MICAL3: variants seen among roughly 807,000 people sequenced by gnomAD.
MICAL3 encodes the protein microtubule associated monooxygenase, calponin and LIM domain containing 3, also known as [F-actin]-monooxygenase MICAL3.
Under a neutral mutation model 207.4 loss-of-function variants are expected in MICAL3, and 62 were observed. The ratio of observed to expected loss-of-function variants is 0.30; its 90% CI spans 0.24 to 0.37. The LOEUF (loss-of-function observed/expected upper bound fraction) is 0.37. Among genes scored for constraint, MICAL3 ranks in the 10% least tolerant of loss-of-function variants. The pLI is 1.00. For missense variants in MICAL3, 2,368 were observed against 2,635.6 expected (o/e 0.90, Z 2.22); for synonymous variants, 1,077 against 1,069.3 (o/e 1.01, Z -0.14).
intron 16 of MICAL3, among the ~76,000 whole-genome samples, chr22:17,879,587 C>T (rs1425183468): frequency 6.6e-6 from 1 of 152,218 alleles, no homozygotes; most frequent in Admixed American, 6.5e-5. Flanking sequence ...GGCCGACTTT[C>T]TGCACAGCCA....
At chr22:17,945,607 C>CA (rs1300974256) in intron 1 of MICAL3, among the ~76,000 whole-genome samples, 1 of 152,190 alleles carries the variant, frequency 6.6e-6, no homozygotes, top group Non-Finnish European at 1.5e-5. Context: ...CAAGGGGTAA[C>CA]ACGCGCCCTA....
In MICAL3 at chr22:17,818,749, G is replaced by T; in HGVS notation, c.3912C>A (p.Thr1304=). 1 of 1,603,284 alleles carries T rather than the reference G, an allele frequency of 6.2e-7. No individual in the cohort carries two copies. Among genetic ancestry groups the T allele is most frequent in the Non-Finnish European group, 8.5e-7 (1 of 1,172,420 alleles). The change falls in exon 26 of 32, where the codon ACC becomes ACA. Residue 1304 remains threonine (T), a synonymous_variant. Coordinates refer to ENST00000441493, the MANE Select transcript of MICAL3 (RefSeq NM_015241.3). ...CAAGGGGGCTGCCCAGTCTGTCCTT[G>T]GTGTCACTTTGGCTTTGGACAGGGA... ...APLPVQSQSD[T]KDRLGSPLAV... is the part of the protein sequence containing the mutation.
intron 8 of MICAL3, 21 bp from the exon 9 acceptor site, chr22:17,896,382 A>C: frequency 7.4e-7 from 1 of 1,348,002 alleles, no homozygotes. Flanking sequence ...GACATAAAAC[A>C]AATAATTAAA....
chr22:18,003,538 C>T (rs1385384307), intron 1 of MICAL3, among the ~76,000 whole-genome samples: 1 of 152,234 alleles, frequency 6.6e-6, no homozygotes, highest in Non-Finnish European at 1.5e-5. Flanking sequence ...CATTCAACCA[C>T]ACATGGCCAA....
chr22:17,967,004 T>C (rs1935172017), intron 1 of MICAL3, among the ~76,000 whole-genome samples: 1 of 152,174 alleles, frequency 6.6e-6, no homozygotes, highest in Non-Finnish European at 1.5e-5. Flanking sequence ...AATCTGTAAG[T>C]ACTTCCTGGG....
intron 1 of MICAL3, among the ~76,000 whole-genome samples, chr22:18,024,056 T>C (rs1354666097): frequency 2.0e-5 from 3 of 152,108 alleles, no homozygotes; most frequent in African/African-American, 7.2e-5. Context: ...CTGGTGGGTG[T>C]CGTGCGATGA....
chr22:17,843,095 T>C lies in MICAL3; in HGVS notation c.2606-1078A>G, dbSNP rs546946232. The stretch of plus-strand genomic sequence containing the variant: ...GAGATTGCGCCACTGCACTCCAGCC[T>C]GGGTGACAAAGCGAGACTTCATCTC... On this transcript the variant is annotated intron_variant, in intron 19 of 31. Transcript: ENST00000441493. Among the ~76,000 whole-genome samples the C allele has an allele frequency of 2.6e-4, 32 of 123,206 alleles. No homozygotes were observed. In the East Asian group the frequency reaches 7.4e-3, roughly 29 times the overall value. The allele number at this position is 123,206 out of a possible 152,430, so 80.8% of individuals were successfully genotyped here. A position where few individuals can be genotyped will look rare whatever the true frequency, so the allele number is the denominator to read the frequency against.
intron 1 of MICAL3, among the ~76,000 whole-genome samples, chr22:17,968,244 C>T (rs1333147343): frequency 6.6e-6 from 1 of 152,056 alleles, no homozygotes; most frequent in Non-Finnish European, 1.5e-5. Context: ...AATCAGATAG[C>T]GTGCCCAGTG....
At chr22:17,936,507 T>C (rs980730307) in intron 1 of MICAL3, among the ~76,000 whole-genome samples, 47 of 151,144 alleles carry the variant, frequency 3.1e-4, no homozygotes, top group African/African-American at 1.1e-3. Context: ...CAAACCAACA[T>C]GGCACGTGTA....
chr22:17,931,420 C>T (rs1010176799), intron 1 of MICAL3, among the ~76,000 whole-genome samples: 1 of 152,172 alleles, frequency 6.6e-6, no homozygotes, highest in East Asian at 1.9e-4. Flanking sequence ...AAGGAAGAAC[C>T]ACACACCACT....
intron 1 of MICAL3, among the ~76,000 whole-genome samples, chr22:17,935,497 A>G (rs1933472959): frequency 6.6e-6 from 1 of 152,238 alleles, no homozygotes; most frequent in Non-Finnish European, 1.5e-5. Context: ...CCTAGGCAAT[A>G]TCATTCAGGA....
At chr22:17,826,791 G>A (rs866403451) in intron 22 of MICAL3, among the ~76,000 whole-genome samples, 3 of 152,226 alleles carry the variant, frequency 2.0e-5, no homozygotes, top group Non-Finnish European at 2.9e-5. Context: ...CCAGTGATGC[G>A]GGTGCTCATG....
intron 1 of MICAL3, among the ~76,000 whole-genome samples, chr22:17,925,023 G>C (rs780248410): frequency 6.6e-6 from 1 of 152,212 alleles, no homozygotes; most frequent in African/African-American, 2.4e-5. Flanking sequence ...CGGGGGGAAA[G>C]AGTCCTGGGA....
intron 16 of MICAL3, chr22:17,875,461 C>A: frequency 1.9e-6 from 3 of 1,551,946 alleles, no homozygotes; most frequent in Non-Finnish European, 2.6e-6. Context: ...CGGAGGGAGT[C>A]GGAGGAGGGA....
chr22:17,834,250 C>T (rs1207888321), intron 20 of MICAL3: 1 of 1,086,772 alleles, frequency 9.2e-7, no homozygotes, highest in Non-Finnish European at 1.1e-6. Flanking sequence ...ACTCGGTGAA[C>T]ATTTCTGAGC....
At chr22:18,004,708 A>G (rs1375830629) in intron 1 of MICAL3, 1 of 152,066 alleles carries the variant, frequency 6.6e-6, no homozygotes, top group African/African-American at 2.4e-5. Flanking sequence ...CCTCATATCA[A>G]TTCTGTGATG....
At chr22:17,982,479 T>C (rs1935958389) in intron 1 of MICAL3, among the ~76,000 whole-genome samples, 1 of 152,180 alleles carries the variant, frequency 6.6e-6, no homozygotes, top group Non-Finnish European at 1.5e-5. Flanking sequence ...AAGACCAGCC[T>C]GGCCAAGATG....
At chr22:17,960,931 A>T (rs573155954) in intron 1 of MICAL3, among the ~76,000 whole-genome samples, 38 of 152,258 alleles carry the variant, frequency 2.5e-4, no homozygotes, top group African/African-American at 8.9e-4. Context: ...GAGCAGGGCA[A>T]CGAGACGGTG....
chr22:17,869,141 A>G (rs1927464963), intron 17 of MICAL3, among the ~76,000 whole-genome samples: 1 of 152,156 alleles, frequency 6.6e-6, no homozygotes, highest in African/African-American at 2.4e-5. Context: ...ACTGGAGCAA[A>G]GAGTGCAGCA....
Sources: allele counts gnomAD v4.1 joint callset (sites outside exome capture counted in the v4.1 genomes callset), GRCh38; gene constraint gnomAD v4.1.1; transcripts MANE v1.5; gene names NCBI Gene and HGNC (gene_info 2026-07-23, HGNC 2026-07-21).